CLBA1: variants seen among roughly 807,000 people sequenced by gnomAD.
CLBA1 encodes the protein uncharacterized protein CLBA1.
CLBA1 carries 30 observed loss-of-function variants against 28.8 expected under a neutral mutation model. The ratio of observed to expected loss-of-function variants is 1.04; its 90% confidence interval spans 0.78 to 1.41. CLBA1 has a LOEUF of 1.41. CLBA1 is among the 40% of genes most tolerant of loss of function. The probability of loss-of-function intolerance (pLI) is 0.00; values close to 1 mark genes in which losing one functional copy is unlikely to be tolerated. For synonymous variants in CLBA1, 160 were observed against 152.8 expected, an observed-to-expected ratio of 1.05 and a Z score of -0.35; for missense variants, 451 against 412.3, an observed-to-expected ratio of 1.09 and a Z score of -0.81.
In CLBA1 at chr14:104,991,542, T is replaced by C; in HGVS notation, c.621T>C (p.Ser207=). The C allele has an allele frequency of 6.2e-7, 1 of 1,614,040 alleles. No homozygotes were observed. The highest frequency in any genetic ancestry group is 8.5e-7 in the Non-Finnish European group (1 of 1,179,916). ...WRALQSIHTT[S]TSQRLWSESR... The stretch of plus-strand genomic sequence containing the variant: ...CCCTTCAGAGCATACACACCACGTC[T>C]ACTTCTCAGCGCCTCTGGAGCGAGT... Residue 207 remains serine (S), a synonymous_variant, in exon 3 of 5, where the codon TCT becomes TCC. Transcript: ENST00000547315.
rs1900132644 is a variant in CLBA1, at chr14:104,995,049, ACCTGGTGGG to A, written c.*291_*299del. 1 of 1,065,226 alleles carries A rather than the reference ACCTGGTGGG, an allele frequency of 9.4e-7. No homozygotes were observed. The highest frequency in any genetic ancestry group is 5.2e-5 in the Admixed American group (1 of 19,150). The allele number at this position is 1,065,226 out of a possible 1,614,324, so 66.0% of individuals were successfully genotyped here. A position where few individuals can be genotyped will look rare whatever the true frequency, so the allele number is the denominator to read the frequency against. On this transcript the variant is annotated 3_prime_UTR_variant, in exon 5 of 5. Coordinates refer to ENST00000547315, the MANE Select transcript of CLBA1 (RefSeq NM_174891.4). ...CCTGCCCCATGTGAATGCTGCTGGC[ACCTGGTGGG>A]GGGTTGCCCAGGGATGGACCCTGGG...
In CLBA1 at chr14:104,992,883, G is replaced by C. The variant is rs966061786; in HGVS notation, c.700-65G>C. On this transcript the variant is annotated intron_variant, in intron 3 of 4. Coordinates refer to ENST00000547315, the MANE Select transcript of CLBA1 (RefSeq NM_174891.4). Reference sequence around the variant, plus strand: ...GCATGAAATTAGTAGAGGGGCTCAGGGGAAAAGGAAACAGGAGACAAAATG... The same window carrying C: ...GCATGAAATTAGTAGAGGGGCTCAGCGGAAAAGGAAACAGGAGACAAAATG... 6 of 1,308,882 alleles carry C rather than the reference G, an allele frequency of 4.6e-6. No individual in the cohort carries two copies. The African/African-American group carries it at 7.3e-5, about 16-fold the overall frequency. The allele number at this position is 1,308,882 out of a possible 1,614,324, so 81.1% of individuals were successfully genotyped here.
intron 2 of CLBA1, chr14:104,989,513 C>G (rs1177494323): frequency 4.4e-6 from 2 of 451,400 alleles, no homozygotes; most frequent in Non-Finnish European, 4.4e-6. Flanking sequence ...GTTCCACACT[C>G]TGGAGCCCCA....
intron 3 of CLBA1, 68 bp from the exon 4 acceptor site, chr14:104,992,880 C>T: frequency 7.9e-7 from 1 of 1,266,882 alleles, no homozygotes; most frequent in Admixed American, 1.7e-5. Context: ...TAGAGGGGCT[C>T]AGGGGAAAAG....
chr14:104,993,235 A>C (rs1900087683), intron 4 of CLBA1, 171 bp downstream of exon 4: 2 of 985,346 alleles, frequency 2.0e-6, no homozygotes, highest in East Asian at 2.3e-4. Flanking sequence ...CAAATTGTGA[A>C]CACCACTGCA....
chr14:104,993,225 CA>C, intron 4 of CLBA1, 161 bp downstream of exon 4: 23 of 985,442 alleles, frequency 2.3e-5, no homozygotes, highest in Non-Finnish European at 2.8e-5. Flanking sequence ...GGCAGACAGG[CA>C]AATTGTGAAC....
At chr14:104,996,132 A>G (rs955984260), downstream of CLBA1, among the ~76,000 whole-genome samples, 3 of 152,158 alleles carry the variant, frequency 2.0e-5, no homozygotes, top group Admixed American at 2.0e-4. Flanking sequence ...GATGTTGGTG[A>G]CCCACAGACC....
intron 2 of CLBA1, 27 bp from the exon 3 acceptor site, chr14:104,991,464 C>A (rs1266770095): frequency 6.2e-7 from 1 of 1,612,914 alleles, no homozygotes; most frequent in African/African-American, 1.3e-5. Flanking sequence ...TCAAGGTCAC[C>A]TTTTAACAAG....
At chr14:104,988,735 C>T (rs958150237) in intron 1 of CLBA1, among the ~76,000 whole-genome samples, 1 of 152,142 alleles carries the variant, frequency 6.6e-6, no homozygotes, top group African/African-American at 2.4e-5. Context: ...AATGTTTTGC[C>T]CTAACCCCAC....
rs374935906 is a variant in CLBA1 at position 104,991,575 on chromosome 14, C to G, written c.654C>G (p.Cys218Trp). 90 of 1,613,518 alleles carry G rather than the reference C, an allele frequency of 5.6e-5. No homozygotes were observed. The highest frequency in any genetic ancestry group is 7.0e-5 in the Non-Finnish European group (82 of 1,179,796). The change falls in exon 3 of 5, where the codon TGC becomes TGG. Residue 218 changes from cysteine to tryptophan, a missense_variant. Physicochemically the swap from Cys to Trp is radical, Grantham distance 215. Transcript: ENST00000547315. ...TSQRLWSESR[C>W]QENFFLVLGI... ...AGCGCCTCTGGAGCGAGTCCCGTTG[C>G]CAGGAGAACTTCTTTCTTGTTCTCG...
At chr14:104,989,656 A>C (rs1181467501) in intron 2 of CLBA1, 1 of 456,144 alleles carries the variant, frequency 2.2e-6, no homozygotes, top group Admixed American at 2.3e-5. Context: ...CTGAGCATTG[A>C]AAGACAGACA....
downstream of CLBA1, among the ~76,000 whole-genome samples, chr14:104,999,910 T>G (rs189925791): frequency 6.6e-6 from 1 of 152,094 alleles, no homozygotes; most frequent in Non-Finnish European, 1.5e-5. Flanking sequence ...AAACCAAAAG[T>G]AAGCAGAAAG....
chr14:104,994,961 G>T lies in CLBA1; in HGVS notation c.*202G>T. ...AGGATGTGTCCTTGGCAGAGCCAAG[G>T]GGAGACAGAGGTTTCTGGATGCCAT... On this transcript the variant is annotated 3_prime_UTR_variant, in exon 5 of 5. Coordinates refer to ENST00000547315, the MANE Select transcript of CLBA1 (RefSeq NM_174891.4). The T allele has an allele frequency of 4.0e-6, 5 of 1,251,264 alleles. No individual in the cohort carries two copies. Among genetic ancestry groups the T allele is most frequent in the Non-Finnish European group, 5.0e-6 (5 of 996,664 alleles). The allele number at this position is 1,251,264 out of a possible 1,614,324, so 77.5% of individuals were successfully genotyped here.
At chr14:104,993,289 C>T (rs142561418) in intron 4 of CLBA1, 1 of 985,364 alleles carries the variant, frequency 1.0e-6, no homozygotes, top group Admixed American at 6.1e-5. Flanking sequence ...ACTCTCAGGC[C>T]AGAGGACCCA....
At chr14:104,988,156 C>G (rs776470529) in intron 1 of CLBA1, among the ~76,000 whole-genome samples, 1 of 152,078 alleles carries the variant, frequency 6.6e-6, no homozygotes, top group Non-Finnish European at 1.5e-5. Context: ...ACATGAGACT[C>G]GCACACGTAC....
downstream of CLBA1, among the ~76,000 whole-genome samples, chr14:104,998,648 C>T (rs1034066868): frequency 5.9e-5 from 9 of 152,196 alleles, no homozygotes; most frequent in East Asian, 5.8e-4. Context: ...TCTGGGTTGG[C>T]GGTGAGGTAC....
downstream of CLBA1, among the ~76,000 whole-genome samples, chr14:104,999,025 C>T (rs978620572): frequency 5.3e-5 from 8 of 152,244 alleles, no homozygotes; most frequent in African/African-American, 1.9e-4. Context: ...TTTCTGCCCA[C>T]CTCGGCCTCA....
intron 3 of CLBA1, among the ~76,000 whole-genome samples, chr14:104,992,728 T>C (rs560580051): frequency 6.6e-6 from 1 of 152,174 alleles, no homozygotes; most frequent in South Asian, 2.1e-4. Flanking sequence ...CATTGAGCAG[T>C]TGAGGGGCGC....
rs539101469 is a variant in CLBA1, at chr14:104,987,356, A to G, written c.423+502A>G. Among the ~76,000 whole-genome samples the G allele has an allele frequency of 4.6e-5, 7 of 152,294 alleles. No homozygotes were observed. The South Asian group carries it at 1.2e-3, about 27-fold the overall frequency. On this transcript the variant is annotated intron_variant, in intron 1 of 4. Transcript: ENST00000547315. ...TGATGCCCATTCCGACCTGTCCGGG[A>G]GCCAGGGTCCCAGCCTTCAGGCCCC... is the stretch of plus-strand genomic sequence containing the variant.
Sources: gnomAD v4.1 joint callset for allele counts (sites outside exome capture counted in the v4.1 genomes callset) on GRCh38, gnomAD v4.1.1 for gene constraint, MANE v1.5 for transcripts, NCBI Gene and HGNC (gene_info 2026-07-23, HGNC 2026-07-21) for gene names.